The following AGTPBP1 variants were observed in gnomAD, a reference collection of about 807,000 sequenced individuals.
The protein encoded by AGTPBP1 is cytosolic carboxypeptidase 1.
Under a neutral mutation model 143.9 loss-of-function variants are expected in AGTPBP1, and 70 were observed. The observed-to-expected ratio is 0.49, with a 90% CI of 0.40 to 0.59. The LOEUF is 0.59. Ranked by LOEUF, AGTPBP1 falls within the 20% of genes least tolerant of loss-of-function variation. AGTPBP1 has a pLI of 0.00. For missense variants in AGTPBP1, 1,229 were observed against 1,464.5 expected (o/e 0.84, Z 2.62); for synonymous variants, 463 against 500.2 (o/e 0.93, Z 0.99).
chr9:85,633,637 C>T (rs919072131), intron 13 of AGTPBP1, among the ~76,000 whole-genome samples: 1 of 152,018 alleles, frequency 6.6e-6, no homozygotes, highest in African/African-American at 2.4e-5. Context: ...ACTCCAAAAT[C>T]CTATTAGGGA....
rs57074552 is a variant in AGTPBP1, at chr9:85,599,110, AACACACACACACACAC to A, written c.2336-2677_2336-2662del. ...CCATTCGTTTTCAACCTTGTCACTG[AACACACACACACACAC>A]ACACACACACACACACACACACACA... On this transcript the variant is annotated intron_variant, in intron 17 of 25. Transcript: ENST00000357081. 1.6e-4 allele frequency among the ~76,000 whole-genome samples: 22 copies of A among 135,494 alleles called. No homozygotes were observed. The South Asian group carries it at 2.2e-3, about 13-fold the overall frequency. The allele number at this position is 135,494 out of a possible 152,430, so 88.9% of individuals were successfully genotyped here. A position where few individuals can be genotyped will look rare whatever the true frequency, so the allele number is the denominator to read the frequency against.
intron 25 of AGTPBP1, among the ~76,000 whole-genome samples, chr9:85,566,776 G>C (rs1381003078): frequency 6.6e-6 from 1 of 152,216 alleles, no homozygotes; most frequent in East Asian, 1.9e-4. Context: ...AGGCAACAGA[G>C]AGGCTGACAA....
At chr9:85,719,040 G>T (rs1837922805) in intron 1 of AGTPBP1, among the ~76,000 whole-genome samples, 1 of 152,046 alleles carries the variant, frequency 6.6e-6, no homozygotes. Flanking sequence ...CCCTGTTTTG[G>T]TACCAGTACC....
chr9:85,746,844 A>T (rs1824591701), upstream of AGTPBP1, among the ~76,000 whole-genome samples: 1 of 151,978 alleles, frequency 6.6e-6, no homozygotes, highest in Non-Finnish European at 1.5e-5. Flanking sequence ...TCAAAACATC[A>T]TGTTGTATAC....
At position 85,579,129 on chromosome 9, in the gene AGTPBP1, A is replaced by T. The variant is rs766186626; in HGVS notation, c.3166-33T>A. 1.2e-5 allele frequency: 18 copies of T among 1,554,064 alleles called. No individual in the cohort carries two copies. In the South Asian group the frequency reaches 1.8e-4, roughly 16 times the overall value. ...AAACAAGAATGATGATGATAAAATA[A>T]ACCAAGTTTTTAATTTTAAATGTTT... On this transcript the variant is annotated intron_variant, in intron 23 of 25. Transcript: ENST00000357081.
At chr9:85,701,154 C>G (rs1433171019) in intron 2 of AGTPBP1, among the ~76,000 whole-genome samples, 1 of 151,994 alleles carries the variant, frequency 6.6e-6, no homozygotes, top group Non-Finnish European at 1.5e-5. Flanking sequence ...TCAAGTGATC[C>G]ACTCATCTTG....
At chr9:85,709,339 A>G (rs1013434044) in intron 2 of AGTPBP1, among the ~76,000 whole-genome samples, 10 of 152,224 alleles carry the variant, frequency 6.6e-5, no homozygotes, top group Non-Finnish European at 1.3e-4. Context: ...GATAAAAAGC[A>G]TTTAAGAAAC....
chr9:85,610,289 T>A (rs1003390911), intron 17 of AGTPBP1, among the ~76,000 whole-genome samples: 3 of 151,600 alleles, frequency 2.0e-5, no homozygotes, highest in Admixed American at 2.0e-4. Context: ...TTTCAGCAAA[T>A]CCCTTCCAAG....
chr9:85,636,701 G>A (rs968306124), intron 13 of AGTPBP1, among the ~76,000 whole-genome samples: 1 of 152,188 alleles, frequency 6.6e-6, no homozygotes, highest in South Asian at 2.1e-4. Flanking sequence ...AGACATGAAA[G>A]GGAGTAAAAA....
At chr9:85,780,658 G>T in the AGTPBP1 span, among the ~76,000 whole-genome samples, 3 of 152,092 alleles carry the variant, frequency 2.0e-5, no homozygotes, top group Admixed American at 2.0e-4. Context: ...AAAGTGTGAG[G>T]GTTGGTAGGG....
chr9:85,599,110 AACACACACACAC>A (rs57074552), intron 17 of AGTPBP1, among the ~76,000 whole-genome samples: 2,272 of 135,496 alleles, frequency 0.017, 33 homozygotes, highest in Middle Eastern at 0.036. Context: ...CTTGTCACTG[AACACACACACAC>A]ACACACACAC....
chr9:85,716,896 A>T (rs1024060024), intron 1 of AGTPBP1, among the ~76,000 whole-genome samples: 1 of 152,162 alleles, frequency 6.6e-6, no homozygotes, highest in Admixed American at 6.5e-5. Flanking sequence ...TATCCTACCT[A>T]CAACTTTTCT....
intron 3 of AGTPBP1, among the ~76,000 whole-genome samples, chr9:85,688,748 A>G (rs780265978): frequency 2.0e-5 from 3 of 152,248 alleles, no homozygotes; most frequent in Non-Finnish European, 4.4e-5. Flanking sequence ...ATGGAAATTT[A>G]TAAGTTTATT....
upstream of AGTPBP1, chr9:85,741,996 G>T (rs1564204098): frequency 8.2e-7 from 1 of 1,213,266 alleles, no homozygotes; most frequent in Non-Finnish European, 1.0e-6. Flanking sequence ...CCCGCCCACC[G>T]CACGCCTTGC....
chr9:85,641,258 C>A (rs1302066673), intron 13 of AGTPBP1, among the ~76,000 whole-genome samples: 1 of 152,184 alleles, frequency 6.6e-6, no homozygotes, highest in Non-Finnish European at 1.5e-5. Context: ...GACTTCTTCA[C>A]ACAATAATCG....
At chr9:85,668,772 A>G (rs993588296) in intron 8 of AGTPBP1, among the ~76,000 whole-genome samples, 2 of 150,646 alleles carry the variant, frequency 1.3e-5, no homozygotes, top group Non-Finnish European at 2.9e-5. Flanking sequence ...AGTAATTAAT[A>G]TAACTCAATA....
At chr9:85,566,444 T>G (rs1436751276) in intron 25 of AGTPBP1, among the ~76,000 whole-genome samples, 2 of 148,416 alleles carry the variant, frequency 1.3e-5, no homozygotes, top group Non-Finnish European at 3.0e-5. Context: ...ATGGGAGGAC[T>G]GCTTGAGCCC....
the AGTPBP1 span, among the ~76,000 whole-genome samples, chr9:85,761,037 AATACC>A: frequency 0.019 from 2,903 of 152,240 alleles, 78 homozygotes; most frequent in African/African-American, 0.061. Context: ...AAGAGAATAA[AATACC>A]ATACCTAGGA....
intron 8 of AGTPBP1, among the ~76,000 whole-genome samples, chr9:85,666,667 C>G (rs558247409): frequency 1.1e-3 from 160 of 152,080 alleles, no homozygotes; most frequent in African/African-American, 3.6e-3. Context: ...TTATAAAGAT[C>G]CTTTTGAAAT....
Sources: gnomAD v4.1 joint callset for allele counts (sites outside exome capture counted in the v4.1 genomes callset) on GRCh38, gnomAD v4.1.1 for gene constraint, MANE v1.5 for transcripts, NCBI Gene and HGNC (gene_info 2026-07-23, HGNC 2026-07-21) for gene names.